Variants in IFT140 observed in about 807,000 individuals in gnomAD.
IFT140 encodes the protein intraflagellar transport protein 140 homolog.
IFT140 carries 133 observed loss-of-function variants against 164.6 expected under a neutral mutation model. That is an observed-to-expected ratio of 0.81 (90% CI 0.70 to 0.93). IFT140 has a LOEUF of 0.93. IFT140 is among the 40% of genes least tolerant of loss of function. The pLI, the probability that IFT140 is intolerant of heterozygous loss-of-function variation, is 0.00. For synonymous variants in IFT140, 860 were observed against 817.3 expected (o/e 1.05, Z -0.89); for missense variants, 2,045 against 1,972.3 (o/e 1.04, Z -0.70).
rs778765501 is a variant in IFT140 at position 1,580,818 on chromosome 16, T to C, written c.1465A>G (p.Met489Val). The C allele has an allele frequency of 4.3e-6, 7 of 1,613,858 alleles. No individual in the cohort carries two copies. In the South Asian group the frequency reaches 7.7e-5, roughly 18 times the overall value. ...TFLCETPVLA[M>V]HEENVYTVES... Reference sequence around the variant, plus strand: ...ACCGTGTAAACGTTTTCTTCATGCATTGCTAACACAGGCGTCTCACACAAG... The same window carrying C: ...ACCGTGTAAACGTTTTCTTCATGCACTGCTAACACAGGCGTCTCACACAAG... Residue 489 changes from methionine to valine, a missense_variant, in exon 13 of 31, where the codon ATG (methionine) becomes GTG (valine). Transcript: ENST00000426508.
At chr16:1,608,002 GA>G (rs1170339251) in intron 2 of IFT140, among the ~76,000 whole-genome samples, 2 of 151,834 alleles carry the variant, frequency 1.3e-5, no homozygotes, top group East Asian at 1.9e-4. Flanking sequence ...TACTGGTACA[GA>G]AAAAAAACCA....
At chr16:1,607,590 C>T (rs953739550) in intron 2 of IFT140, among the ~76,000 whole-genome samples, 3 of 152,234 alleles carry the variant, frequency 2.0e-5, no homozygotes, top group African/African-American at 4.8e-5. Context: ...TAACTACACA[C>T]GCAATCCTCA....
chr16:1,585,182 G>A (rs968744524), intron 10 of IFT140, among the ~76,000 whole-genome samples: 3 of 152,238 alleles, frequency 2.0e-5, no homozygotes, highest in Admixed American at 1.3e-4. Context: ...TCCATCAACT[G>A]ATGAATGGAG....
chr16:1,510,571 T>G lies in IFT140; in HGVS notation c.*373A>C. On this transcript the variant is annotated 3_prime_UTR_variant, in exon 31 of 31. Transcript: ENST00000426508. ...GCCCTGCAGGAGTATGGGGAGGATA[T>G]GATGTGTGGGGAGCAGGGGGGCAGG... The G allele has an allele frequency of 6.0e-6, 2 of 335,760 alleles. No individual in the cohort carries two copies. Among genetic ancestry groups the G allele is most frequent in the Non-Finnish European group, 5.5e-6 (1 of 181,074 alleles). 20.8% of individuals were successfully genotyped at this position (335,760 alleles called of 1,614,324 possible).
chr16:1,596,769 G>A (rs551180069), intron 4 of IFT140, among the ~76,000 whole-genome samples: 6 of 152,120 alleles, frequency 3.9e-5, no homozygotes, highest in South Asian at 2.1e-4. Flanking sequence ...CCACCTCCTC[G>A]GCTGCACCCT....
In IFT140 at chr16:1,526,718, G is replaced by C. The variant is rs772467024; in HGVS notation, c.2478C>G (p.Asn826Lys). 1 of 1,608,900 alleles carries C rather than the reference G, an allele frequency of 6.2e-7. No individual in the cohort carries two copies. The highest frequency in any genetic ancestry group is 8.5e-7 in the Non-Finnish European group (1 of 1,178,708). The change falls in exon 20 of 31, where the codon AAC becomes AAG. Residue 826 changes from asparagine (N) to lysine (K), a missense_variant. Physicochemically the swap from Asn to Lys is moderately conservative, Grantham distance 94. Coordinates refer to ENST00000426508, the MANE Select transcript of IFT140 (RefSeq NM_014714.4). ...CTCGGGCCCCGCGGGCATGGCCCATGTTCCCCAGGCACACCTTGGCCACGT... is the reference window on the plus strand; with the variant it reads ...CTCGGGCCCCGCGGGCATGGCCCATCTTCCCCAGGCACACCTTGGCCACGT... ...RLDVAKVCLG[N>K]MGHARGARAL... is the part of the protein sequence containing the mutation.
At chr16:1,547,301 C>G (rs1640170488) in intron 19 of IFT140, among the ~76,000 whole-genome samples, 1 of 152,200 alleles carries the variant, frequency 6.6e-6, no homozygotes, top group Non-Finnish European at 1.5e-5. Flanking sequence ...CACTGAGAAG[C>G]TGACTTGTAG....
At position 1,526,039 on chromosome 16, in the gene IFT140, G is replaced by A. The variant is rs761615768; in HGVS notation, c.2616C>T (p.His872=). 78 of 1,600,360 alleles carry A rather than the reference G, an allele frequency of 4.9e-5. No homozygotes were observed. The highest frequency in any genetic ancestry group is 2.1e-4 in the Admixed American group (12 of 58,390). The change falls in exon 21 of 31, where the codon CAC becomes CAT. Residue 872 remains histidine, a synonymous_variant. Coordinates refer to ENST00000426508, the MANE Select transcript of IFT140 (RefSeq NM_014714.4). ...CCTGGTAGAACTTGTTCAGGAGGTC[G>A]TGGCGCTTGCACTTCCTGTACAGCT... ...AEQLYRKCKR[H]DLLNKFYQAA...
intron 4 of IFT140, among the ~76,000 whole-genome samples, chr16:1,599,763 C>T (rs1596456443): frequency 4.5e-5 from 3 of 66,632 alleles, no homozygotes; most frequent in Non-Finnish European, 8.1e-5. Context: ...CCAGCCGCCC[C>T]GTCCGGGAGG....
In IFT140 at chr16:1,528,425, A is replaced by G. The variant is rs1018120140; in HGVS notation, c.2400-1629T>C. Among the ~76,000 whole-genome samples, 3 of 111,986 alleles carry G rather than the reference A, an allele frequency of 2.7e-5. No individual in the cohort carries two copies. In the East Asian group the frequency reaches 8.3e-4, roughly 31 times the overall value. The allele number at this position is 111,986 out of a possible 152,430, so 73.5% of individuals were successfully genotyped here. On this transcript the variant is annotated intron_variant, in intron 19 of 30. Transcript: ENST00000426508. ...TGCACACACATGGACGCACATGCAC[A>G]CACAGATGCACACACACATTCACAT...
chr16:1,568,128 A>G, intron 15 of IFT140, 89 bp downstream of exon 15: 1 of 867,036 alleles, frequency 1.2e-6, no homozygotes, highest in Non-Finnish European at 1.9e-6. Context: ...CTTGCACAGG[A>G]GGAGAGAGGC....
Position 1,587,243 on chromosome 16 carries a change from C to T in IFT140, c.964G>A (p.Glu322Lys). The T allele has an allele frequency of 6.2e-7, 1 of 1,613,236 alleles. No individual in the cohort carries two copies. ...ACACAGTTCATATTCTCTCCTTTCT[C>T]AAAGCCAAACTTCTCATCTGGACTC... The part of the protein sequence containing the change: ...ILSPDEKFGF[E>K]KGENMNCVCY... The change falls in exon 9 of 31, where the codon GAG becomes AAG. Residue 322 changes from glutamate (E) to lysine (K), a missense_variant. Transcript: ENST00000426508.
chr16:1,551,923 G>C lies in IFT140; in HGVS notation c.2399+6012C>G, dbSNP rs2032676097. Among the ~76,000 whole-genome samples the C allele has an allele frequency of 6.6e-6, 1 of 152,124 alleles. No homozygotes were observed. The highest frequency in any genetic ancestry group is 1.5e-5 in the Non-Finnish European group (1 of 68,014). Reference sequence around the variant, plus strand: ...GAAGCCTCCCGGGTGTGTCCCTGGTGATGTCCCCGGGGCCTCTCCCTGGTG... The same window carrying C: ...GAAGCCTCCCGGGTGTGTCCCTGGTCATGTCCCCGGGGCCTCTCCCTGGTG... On this transcript the variant is annotated intron_variant, in intron 19 of 30. Transcript: ENST00000426508. This position sits in a 1 kb window ranked among gnomAD's most constrained non-coding sequence, Gnocchi z 4.0.
At chr16:1,598,127 C>G (rs1430633980) in intron 4 of IFT140, among the ~76,000 whole-genome samples, 1 of 151,930 alleles carries the variant, frequency 6.6e-6, no homozygotes, top group Non-Finnish European at 1.5e-5. Flanking sequence ...AAGGGAACAA[C>G]CTGATAAAAA....
At position 1,602,371 on chromosome 16, in the gene IFT140, C is replaced by G; in HGVS notation, c.368G>C (p.Arg123Thr). 6.2e-7 allele frequency: 1 copy of G among 1,613,984 alleles called. No individual in the cohort carries two copies. Among genetic ancestry groups the G allele is most frequent in the East Asian group, 2.2e-5 (1 of 44,894 alleles). The change falls in exon 4 of 31, where the codon AGG becomes ACG. Residue 123 changes from arginine to threonine, a missense_variant and splice_region_variant. By Grantham distance (71) the Arg-to-Thr change is moderately conservative. Transcript: ENST00000426508. ...AGCGTCTTGCGCGTGTTGACTCACC[C>G]TGTCCCCAGACAGCAGGCAGTTTCC... is the stretch of plus-strand genomic sequence containing the variant. ...PSGNCLLSGD[R>T]LGVLLLWRLD... is the part of the protein sequence containing the mutation.
chr16:1,553,782 C>T lies in IFT140; in HGVS notation c.2399+4153G>A. 8.4e-7 allele frequency: 1 copy of T among 1,185,164 alleles called. No homozygotes were observed. The highest frequency in any genetic ancestry group is 1.1e-6 in the Non-Finnish European group (1 of 940,218). 73.4% of individuals were successfully genotyped at this position (1,185,164 alleles called of 1,614,324 possible). On this transcript the variant is annotated intron_variant, in intron 19 of 30. Transcript: ENST00000426508. The surrounding 1 kb of genome is among the most constrained non-coding windows in gnomAD (Gnocchi z 4.4). ...GGCAGGGCCATGTGGACAGCCTCTC[C>T]TCCATCCTAGAGCCTATGTTTCCAG...
chr16:1,544,840 G>T (rs902560027), intron 19 of IFT140, among the ~76,000 whole-genome samples: 13 of 151,526 alleles, frequency 8.6e-5, no homozygotes, highest in African/African-American at 1.2e-4. Context: ...AGTAGAGACG[G>T]GGTTTCACCG....
At chr16:1,575,842 C>T (rs534529370) in intron 13 of IFT140, among the ~76,000 whole-genome samples, 9 of 151,886 alleles carry the variant, frequency 5.9e-5, no homozygotes, top group African/African-American at 2.2e-4. Context: ...GCCCATTCAC[C>T]CTTTCCCATC....
intron 19 of IFT140, among the ~76,000 whole-genome samples, chr16:1,556,386 G>A (rs2033083619): frequency 6.6e-6 from 1 of 152,266 alleles, no homozygotes; most frequent in Admixed American, 6.5e-5. Flanking sequence ...GCCTGGCCTG[G>A]CGCCTCCTCT....
Sources: gnomAD v4.1 joint callset for allele counts (sites outside exome capture counted in the v4.1 genomes callset) on GRCh38, gnomAD v4.1.1 for gene constraint, Gnocchi (gnomAD v3.1) non-coding constraint, MANE v1.5 for transcripts, NCBI Gene and HGNC (gene_info 2026-07-23, HGNC 2026-07-21) for gene names.